Variants in ADAT3 observed in about 807,000 individuals in gnomAD.
The protein encoded by ADAT3 is adenosine deaminase tRNA specific 3.
In ADAT3, 2 loss-of-function variants were observed where a neutral mutation model predicts 3.5. The ratio of observed to expected loss-of-function variants is 0.57; its 90% CI spans 0.23 to 1.79. The LOEUF (loss-of-function observed/expected upper bound fraction) is 1.79. ADAT3 is among the 40% of genes most tolerant of loss of function. The pLI, the probability that ADAT3 is intolerant of heterozygous loss-of-function variation, is 0.18. For synonymous variants in ADAT3, 358 were observed against 270.3 expected (o/e 1.32, Z -3.18); for missense variants, 735 against 571.4 (o/e 1.29, Z -2.92).
In ADAT3 at chr19:1,912,629, G is replaced by C; in HGVS notation, c.582G>C (p.Glu194Asp). The C allele has an allele frequency of 6.9e-7, 1 of 1,450,322 alleles. No individual in the cohort carries two copies. The allele number at this position is 1,450,322 out of a possible 1,614,324, so 89.8% of individuals were successfully genotyped here. A position where few individuals can be genotyped will look rare whatever the true frequency, so the allele number is the denominator to read the frequency against. ...GCGCCGCCATGCAGAGCCACATGGAGCGGGCGGTGTGGGCGGCCCGGCGGG... is the reference window on the plus strand; with the variant it reads ...GCGCCGCCATGCAGAGCCACATGGACCGGGCGGTGTGGGCGGCCCGGCGGG... Reference protein sequence around the residue: ...QERAAMQSHMERAVWAARRAA... With the variant: ...QERAAMQSHMDRAVWAARRAA... Residue 194 changes from glutamate (E) to aspartate (D), a missense_variant, in exon 2 of 2, where the codon GAG becomes GAC. Physicochemically the swap from Glu to Asp is conservative, Grantham distance 45 (BLOSUM62 2). Coordinates refer to ENST00000329478, the MANE Select transcript of ADAT3 (RefSeq NM_138422.4).
Position 1,912,471 on chromosome 19 carries a change from G to C in ADAT3, c.424G>C (p.Val142Leu), listed in dbSNP as rs774600353. The C allele has an allele frequency of 1.1e-5, 17 of 1,501,888 alleles. No individual in the cohort carries two copies. Among genetic ancestry groups the C allele is most frequent in the Non-Finnish European group, 1.4e-5 (16 of 1,132,794 alleles). The allele number at this position is 1,501,888 out of a possible 1,614,324, so 93.0% of individuals were successfully genotyped here. A position where few individuals can be genotyped will look rare whatever the true frequency, so the allele number is the denominator to read the frequency against. ...CCGCGGCCTGGGGCAACCCTTCCTG[G>C]TGCCCGTGCCCGCCCGGCCGCCTCT... Reference protein sequence around the residue: ...DPRGLGQPFLVPVPARPPLTR... With the variant: ...DPRGLGQPFLLPVPARPPLTR... Residue 142 changes from valine (V) to leucine (L), a missense_variant, in exon 2 of 2, where the codon GTG (valine) becomes CTG (leucine). Physicochemically the swap from Val to Leu is conservative, Grantham distance 32. Coordinates refer to ENST00000329478, the MANE Select transcript of ADAT3 (RefSeq NM_138422.4).
chr19:1,912,396 T>TCGGGC lies in ADAT3; in HGVS notation c.351_355dup (p.Pro119ArgfsTer34). 6.6e-7 allele frequency: 1 copy of TCGGGC among 1,517,124 alleles called. No homozygotes were observed. Among genetic ancestry groups the TCGGGC allele is most frequent in the Non-Finnish European group, 8.8e-7 (1 of 1,139,788 alleles). 94.0% of individuals were successfully genotyped at this position (1,517,124 alleles called of 1,614,324 possible). Reference sequence around the variant, plus strand: ...GCTGCTTTGCCTGGCTGGGCCGGCCTCGGGCCCGCGCTCGCTGGCTGAGCT... The same window carrying TCGGGC: ...GCTGCTTTGCCTGGCTGGGCCGGCCTCGGGCCGGGCCCGCGCTCGCTGGCTGAGCT... On this transcript the variant is annotated frameshift_variant, in exon 2 of 2. Coordinates refer to ENST00000329478, the MANE Select transcript of ADAT3 (RefSeq NM_138422.4). LOFTEE classifies it low-confidence loss of function (END_TRUNC).
chr19:1,911,249 G>A (rs1298787685), intron 1 of ADAT3, among the ~76,000 whole-genome samples: 1 of 151,864 alleles, frequency 6.6e-6, no homozygotes, highest in East Asian at 1.9e-4. Flanking sequence ...GTAGCTCACT[G>A]CAGCCTTGAA....
In ADAT3 at chr19:1,913,030, C is replaced by A; in HGVS notation, c.983C>A (p.Ser328Ter). Reference sequence around the variant, plus strand: ...CTGCGCGTCTTCTACGGTGCGCCCTCGCCCGACGGCGCCCTGGGCACCCGC... The same window carrying A: ...CTGCGCGTCTTCTACGGTGCGCCCTAGCCCGACGGCGCCCTGGGCACCCGC... ...RILRVFYGAP[S>*]PDGALGTRFR... The change falls in exon 2 of 2, where the codon TCG becomes TAG. Residue 328 changes from serine (S) to a stop codon, truncating the protein, a stop_gained. Coordinates refer to ENST00000329478, the MANE Select transcript of ADAT3 (RefSeq NM_138422.4). LOFTEE classifies it high-confidence loss of function. 6.2e-7 allele frequency: 1 copy of A among 1,604,158 alleles called. No homozygotes were observed. The highest frequency in any genetic ancestry group is 8.5e-7 in the Non-Finnish European group (1 of 1,179,096).
Position 1,912,788 on chromosome 19 carries a change from C to A in ADAT3, c.741C>A (p.Leu247=). Reference sequence around the variant, plus strand: ...ACGCCGTCATGGTGTGCGTGGACCTCGTGGCGCGCGGCCAGGGCCGCGGCA... The same window carrying A: ...ACGCCGTCATGGTGTGCGTGGACCTAGTGGCGCGCGGCCAGGGCCGCGGCA... The part of the protein sequence containing the change: ...LLHAVMVCVD[L]VARGQGRGTY... The change falls in exon 2 of 2, where the codon CTC becomes CTA. Residue 247 remains leucine, a synonymous_variant. Coordinates refer to ENST00000329478, the MANE Select transcript of ADAT3 (RefSeq NM_138422.4). 6.4e-7 allele frequency: 1 copy of A among 1,570,150 alleles called. No individual in the cohort carries two copies. The highest frequency in any genetic ancestry group is 1.8e-5 in the Admixed American group (1 of 55,394).
chr19:1,912,352 GC>G lies in ADAT3; in HGVS notation c.310del (p.His104ThrfsTer47). The G allele has an allele frequency of 6.5e-7, 1 of 1,529,184 alleles. No individual in the cohort carries two copies. The highest frequency in any genetic ancestry group is 2.0e-5 in the Admixed American group (1 of 49,574). The allele number at this position is 1,529,184 out of a possible 1,614,324, so 94.7% of individuals were successfully genotyped here. Reference sequence around the variant, plus strand: ...GTGCGGCCCAGCCGCGATGCCGGCAGCCCCCACGCCCTGGAGATGCTGCTTT... The same window carrying G: ...GTGCGGCCCAGCCGCGATGCCGGCAGCCCCACGCCCTGGAGATGCTGCTTT... ...KRVRPSRDAG[S>X]PHALEMLLCL... On this transcript the variant is annotated frameshift_variant, in exon 2 of 2. Coordinates refer to ENST00000329478, the MANE Select transcript of ADAT3 (RefSeq NM_138422.4). LOFTEE classifies it low-confidence loss of function (END_TRUNC).
intron 1 of ADAT3, among the ~76,000 whole-genome samples, chr19:1,909,958 G>A (rs1486106466): frequency 6.6e-6 from 1 of 152,222 alleles, no homozygotes; most frequent in African/African-American, 2.4e-5. Flanking sequence ...ACTAGGGGGC[G>A]AGTGTTTACA....
At chr19:1,910,659 C>G (rs541391624) in intron 1 of ADAT3, among the ~76,000 whole-genome samples, 18 of 150,174 alleles carry the variant, frequency 1.2e-4, no homozygotes, top group African/African-American at 3.2e-4. Flanking sequence ...TCACTGCAAC[C>G]TCTGCCTCCC....
At chr19:1,907,161 TG>T (rs1191720518) in intron 1 of ADAT3, 1 of 150,450 alleles carries the variant, frequency 6.6e-6, no homozygotes, top group African/African-American at 2.5e-5. Context: ...CCCTCCAGCC[TG>T]GGGGACAGAG....
rs1396672399 is a variant in ADAT3, at chr19:1,908,427, CGAG to C, written c.-159+2992_-159+2994del. 1.3e-5 allele frequency: 6 copies of C among 462,850 alleles called. No homozygotes were observed. Among genetic ancestry groups the C allele is most frequent in the Admixed American group, 1.2e-4 (5 of 42,100 alleles). 28.7% of individuals were successfully genotyped at this position (462,850 alleles called of 1,614,324 possible). A position where few individuals can be genotyped will look rare whatever the true frequency, so the allele number is the denominator to read the frequency against. The stretch of plus-strand genomic sequence containing the variant: ...GAGGCGTGGACCAGGCAGTGCATGT[CGAG>C]GAGTAGCACCCACAGCTGCGCGGCT... On this transcript the variant is annotated intron_variant, in intron 1 of 1. Coordinates refer to ENST00000329478, the MANE Select transcript of ADAT3 (RefSeq NM_138422.4). The surrounding 1 kb of genome is among the most constrained non-coding windows in gnomAD (Gnocchi z 4.2).
At chr19:1,909,729 C>G (rs962286941) in intron 1 of ADAT3, among the ~76,000 whole-genome samples, 1 of 152,184 alleles carries the variant, frequency 6.6e-6, no homozygotes, top group Non-Finnish European at 1.5e-5. Flanking sequence ...GTGATCCCAG[C>G]TCTTCCCGCA....
chr19:1,905,621 C>G (rs1015577384), intron 1 of ADAT3, 182 bp downstream of exon 1: 1 of 162,534 alleles, frequency 6.2e-6, no homozygotes, highest in Non-Finnish European at 1.4e-5. Context: ...GGGGAGGCGG[C>G]GCGAATGCGC....
chr19:1,913,247 G>A lies in ADAT3; in HGVS notation c.*96G>A. The A allele has an allele frequency of 1.4e-6, 2 of 1,431,260 alleles. No individual in the cohort carries two copies. The highest frequency in any genetic ancestry group is 1.5e-5 in the South Asian group (1 of 67,406). 88.7% of individuals were successfully genotyped at this position (1,431,260 alleles called of 1,614,324 possible). A position where few individuals can be genotyped will look rare whatever the true frequency, so the allele number is the denominator to read the frequency against. ...CGATTTCTTCCGCACAAGCCTGACC[G>A]TGGATTTCAGGGACACATACCGCCT... is the stretch of plus-strand genomic sequence containing the variant. On this transcript the variant is annotated 3_prime_UTR_variant, in exon 2 of 2. Coordinates refer to ENST00000329478, the MANE Select transcript of ADAT3 (RefSeq NM_138422.4).
At chr19:1,911,035 C>T (rs998693891) in intron 1 of ADAT3, among the ~76,000 whole-genome samples, 1 of 152,142 alleles carries the variant, frequency 6.6e-6, no homozygotes, top group African/African-American at 2.4e-5. Flanking sequence ...GCCACCAGGC[C>T]TGGCCAATTC....
chr19:1,906,875 T>TGTGTGTGTGTGTGTGTGTGTGG, intron 1 of ADAT3: 1 of 136,574 alleles, frequency 7.3e-6, no homozygotes, highest in Admixed American at 7.4e-5. Context: ...ATTGTGTGTG[T>TGTGTGTGTGTGTGTGTGTGTGG]GTGTGTGTGT....
chr19:1,912,394 C>T lies in ADAT3; in HGVS notation c.347C>T (p.Ala116Val). 6.6e-7 allele frequency: 1 copy of T among 1,517,828 alleles called. No individual in the cohort carries two copies. 94.0% of individuals were successfully genotyped at this position (1,517,828 alleles called of 1,614,324 possible). A position where few individuals can be genotyped will look rare whatever the true frequency, so the allele number is the denominator to read the frequency against. ...LEMLLCLAGPASGPRSLAELL... is the reference protein window; with the variant it reads ...LEMLLCLAGPVSGPRSLAELL... ...ATGCTGCTTTGCCTGGCTGGGCCGGCCTCGGGCCCGCGCTCGCTGGCTGAG... is the reference window on the plus strand; with the variant it reads ...ATGCTGCTTTGCCTGGCTGGGCCGGTCTCGGGCCCGCGCTCGCTGGCTGAG... Residue 116 changes from alanine to valine, a missense_variant, in exon 2 of 2, where the codon GCC (alanine) becomes GTC (valine). Transcript: ENST00000329478.
In ADAT3 at chr19:1,912,960, G is replaced by T; in HGVS notation, c.913G>T (p.Glu305Ter). 6.2e-7 allele frequency: 1 copy of T among 1,610,188 alleles called. No individual in the cohort carries two copies. The highest frequency in any genetic ancestry group is 1.1e-5 in the South Asian group (1 of 91,072). The change falls in exon 2 of 2, where the codon GAG (glutamate) becomes TAG (stop). Residue 305 changes from glutamate to a stop codon, truncating the protein, a stop_gained. Coordinates refer to ENST00000329478, the MANE Select transcript of ADAT3 (RefSeq NM_138422.4). LOFTEE classifies it high-confidence loss of function. ...TGGCTACGACCTGTACGTGACCCGC[G>T]AGCCCTGCGCCATGTGCGCCATGGC... ...CTGYDLYVTR[E>*]PCAMCAMALV...
intron 1 of ADAT3, among the ~76,000 whole-genome samples, chr19:1,909,097 T>A (rs1450527793): frequency 3.5e-5 from 5 of 144,018 alleles, no homozygotes; most frequent in Non-Finnish European, 7.5e-5. Context: ...AGAGTGAGAC[T>A]CTGTCTGAAA....
rs779984090 is a variant in ADAT3 at position 1,913,119 on chromosome 19, G to T, written c.1072G>T (p.Glu358Ter). 6.3e-7 allele frequency: 1 copy of T among 1,584,194 alleles called. No individual in the cohort carries two copies. ...RFQVFRGVLE[E>*]QCRWLDPDT Reference sequence around the variant, plus strand: ...CCAGGTGTTCCGCGGGGTGCTGGAGGAGCAGTGCCGCTGGCTGGACCCCGA... The same window carrying T: ...CCAGGTGTTCCGCGGGGTGCTGGAGTAGCAGTGCCGCTGGCTGGACCCCGA... The change falls in exon 2 of 2, where the codon GAG (glutamate) becomes TAG (stop). Residue 358 changes from glutamate (E) to a stop codon, truncating the protein, a stop_gained. Transcript: ENST00000329478. LOFTEE classifies it high-confidence loss of function.
Sources: allele counts gnomAD v4.1 joint callset (sites outside exome capture counted in the v4.1 genomes callset), GRCh38; gene constraint gnomAD v4.1.1; non-coding constraint Gnocchi (gnomAD v3.1); transcripts MANE v1.5; gene names NCBI Gene and HGNC (gene_info 2026-07-23, HGNC 2026-07-21).